The following HERC2 variants were observed in gnomAD, a reference collection of about 807,000 sequenced individuals.
The protein encoded by HERC2 is E3 ubiquitin-protein ligase HERC2.
In HERC2, 102 loss-of-function variants were observed where a neutral mutation model predicts 537.7. The ratio of observed to expected loss-of-function variants is 0.19; its 90% confidence interval spans 0.16 to 0.22. The LOEUF (loss-of-function observed/expected upper bound fraction) is 0.22. Among genes scored for constraint, HERC2 ranks in the 10% least tolerant of loss-of-function variants. The pLI is 1.00. For missense variants in HERC2, 4,236 were observed against 6,198.2 expected (o/e 0.68, Z 10.63); for synonymous variants, 2,224 against 2,466.2 (o/e 0.90, Z 2.91).
intron 4 of HERC2, among the ~76,000 whole-genome samples, chr15:28,286,353 C>T (rs923346799): frequency 6.6e-6 from 1 of 151,976 alleles, no homozygotes; most frequent in Non-Finnish European, 1.5e-5. Context: ...TACAGAGACA[C>T]AAAAATATAC....
chr15:28,190,671 C>A, intron 55 of HERC2: 1 of 458,830 alleles, frequency 2.2e-6, no homozygotes, highest in Non-Finnish European at 3.9e-6. Flanking sequence ...TGTTCAGATG[C>A]AATCAGCAAC....
intron 44 of HERC2, among the ~76,000 whole-genome samples, chr15:28,207,385 C>T (rs928227193): frequency 6.6e-6 from 1 of 152,206 alleles, no homozygotes; most frequent in Non-Finnish European, 1.5e-5. Flanking sequence ...ATCCACCCGC[C>T]TCGGCATCCC....
intron 37 of HERC2, among the ~76,000 whole-genome samples, 166 bp from the exon 38 acceptor site, chr15:28,218,837 G>A (rs1175859616): frequency 6.6e-6 from 1 of 152,082 alleles, no homozygotes; most frequent in Non-Finnish European, 1.5e-5. Flanking sequence ...ATTTATTTTT[G>A]TGTTCTTTTT....
chr15:28,179,203 A>C lies in HERC2; in HGVS notation c.8958T>G (p.Ser2986=), dbSNP rs144426894. ...CCACATTCAAAGCTGACAGTGTCTC[A>C]GAGAACGAAGGAACCTTTATCTACA... The part of the protein sequence containing the change: ...KGSKIKVPSF[S]ETLSALNVVQ... Residue 2986 remains serine (S), a synonymous_variant, in exon 58 of 93, where the codon TCT becomes TCG. Coordinates refer to ENST00000261609, the MANE Select transcript of HERC2 (RefSeq NM_004667.6). 2.4e-5 allele frequency: 39 copies of C among 1,609,728 alleles called. No individual in the cohort carries two copies. The African/African-American group carries it at 3.9e-4, about 16-fold the overall frequency.
intron 35 of HERC2, among the ~76,000 whole-genome samples, chr15:28,225,537 A>C (rs567992402): frequency 5.9e-5 from 9 of 152,042 alleles, no homozygotes; most frequent in African/African-American, 9.6e-5. Flanking sequence ...CTCCACTAAA[A>C]ATACAAAAAA....
intron 2 of HERC2, among the ~76,000 whole-genome samples, chr15:28,321,023 ACAG>A (rs2077214595): frequency 6.6e-6 from 1 of 151,938 alleles, no homozygotes; most frequent in Non-Finnish European, 1.5e-5. Flanking sequence ...AGTTAACTCA[ACAG>A]CTCAAAAACG....
intron 69 of HERC2, among the ~76,000 whole-genome samples, chr15:28,155,635 T>G (rs1892929629): frequency 6.6e-6 from 1 of 151,072 alleles, no homozygotes; most frequent in Non-Finnish European, 1.5e-5. Flanking sequence ...TAAATTTCTT[T>G]GAGTTCTTTG....
chr15:28,246,839 C>T lies in HERC2; in HGVS notation c.3294G>A (p.Thr1098=), dbSNP rs761589710. 6.8e-6 allele frequency: 11 copies of T among 1,611,618 alleles called. No individual in the cohort carries two copies. Among genetic ancestry groups the T allele is most frequent in the African/African-American group, 4.0e-5 (3 of 74,780 alleles). ...CCACAGGCAGTATATCTCCAATGTG[C>T]GTGCACAGGAGGGCTGTGTACTTCT... ...LLKKYTALLC[T]HIGDILPVAA... Residue 1098 remains threonine, a synonymous_variant, in exon 22 of 93, where the codon ACG becomes ACA. Transcript: ENST00000261609.
intron 2 of HERC2, among the ~76,000 whole-genome samples, chr15:28,316,880 G>C (rs1012406683): frequency 1.4e-4 from 21 of 148,610 alleles, no homozygotes; most frequent in African/African-American, 4.4e-4. Flanking sequence ...GGGTTCAAGC[G>C]ATTCTCCTGC....
intron 37 of HERC2, 58 bp downstream of exon 37, chr15:28,220,394 C>A (rs1900395155): frequency 6.7e-7 from 1 of 1,493,462 alleles, no homozygotes. Context: ...GTGGTGGCAG[C>A]CAGCACCTGG....
rs758884003 is a variant in HERC2, at chr15:28,116,695, G to A, written c.13579C>T (p.Pro4527Ser). Residue 4527 changes from proline (P) to serine (S), a missense_variant, in exon 88 of 93, where the codon CCC becomes TCC. Transcript: ENST00000261609. ...AAGCGGAACATGCTGCTGTGCACGG[G>A]TGCTCTGGCGGCCGGGCTGAGCAGG... ...CYLLSPAARA[P>S]VHSSMFRFLG... The A allele has an allele frequency of 6.2e-7, 1 of 1,613,430 alleles. No homozygotes were observed. The highest frequency in any genetic ancestry group is 8.5e-7 in the Non-Finnish European group (1 of 1,179,832).
chr15:28,212,680 C>T, intron 42 of HERC2, 97 bp from the exon 43 acceptor site: 6 of 1,218,214 alleles, frequency 4.9e-6, no homozygotes, highest in African/African-American at 1.5e-5. Context: ...TCCTGAAATG[C>T]CACACATACC....
chr15:28,252,133 T>C (rs2075103828), intron 20 of HERC2, among the ~76,000 whole-genome samples: 1 of 152,148 alleles, frequency 6.6e-6, no homozygotes, highest in Non-Finnish European at 1.5e-5. Context: ...TTAATAAAAA[T>C]TAAACAGATA....
rs1230418283 is a variant in HERC2, at chr15:28,202,155, G to A, written c.7575C>T (p.Asp2525=). 17 of 1,579,092 alleles carry A rather than the reference G, an allele frequency of 1.1e-5. No homozygotes were observed. The highest frequency in any genetic ancestry group is 4.5e-5 in the East Asian group (2 of 44,594). The part of the protein sequence containing the change: ...DADTVSDEYS[D]EEVVEDVDDA... ...CATCCACGTCCTCCACCACCTCCTC[G>A]TCAGAATACTCGTCGGACACCGTGT... is the stretch of plus-strand genomic sequence containing the variant. The change falls in exon 47 of 93, where the codon GAC becomes GAT. Residue 2525 remains aspartate, a synonymous_variant. Transcript: ENST00000261609.
intron 3 of HERC2, among the ~76,000 whole-genome samples, chr15:28,297,092 G>A (rs996318598): frequency 2.0e-5 from 3 of 152,246 alleles, no homozygotes; most frequent in Non-Finnish European, 4.4e-5. Flanking sequence ...TTGTGCTACT[G>A]AAACTAAATG....
chr15:28,135,311 G>A (rs750842370), intron 79 of HERC2, among the ~76,000 whole-genome samples, 167 bp downstream of exon 79: 3 of 152,018 alleles, frequency 2.0e-5, no homozygotes, highest in African/African-American at 4.8e-5. Context: ...GTAAGCCTTC[G>A]TATTGGAACA....
At chr15:28,161,455 G>A (rs1239332700) in intron 69 of HERC2, among the ~76,000 whole-genome samples, 1 of 152,202 alleles carries the variant, frequency 6.6e-6, no homozygotes. Flanking sequence ...AGGCTCCCTG[G>A]CAGGGCAGAG....
chr15:28,177,448 G>T lies in HERC2; in HGVS notation c.9225C>A (p.Asp3075Glu), dbSNP rs141457389. ...TGCTGAAGTGTCCAAGTTTTCCATCGTCACCTTCGCCCCACGAAAACACTT... is the reference window on the plus strand; with the variant it reads ...TGCTGAAGTGTCCAAGTTTTCCATCTTCACCTTCGCCCCACGAAAACACTT... ...DGKVFSWGEG[D>E]DGKLGHFSRM... The change falls in exon 60 of 93, where the codon GAC (aspartate) becomes GAA (glutamate). Residue 3075 changes from aspartate (D) to glutamate (E), a missense_variant. By Grantham distance (45) the Asp-to-Glu change is conservative. Transcript: ENST00000261609. This position sits in a 1 kb window ranked among gnomAD's most constrained non-coding sequence, Gnocchi z 5.0. The T allele has an allele frequency of 6.2e-7, 1 of 1,614,130 alleles. No homozygotes were observed. Among genetic ancestry groups the T allele is most frequent in the Non-Finnish European group, 8.5e-7 (1 of 1,180,034 alleles).
In HERC2 at chr15:28,213,921, G is replaced by C. The variant is rs201866535; in HGVS notation, c.6607C>G (p.Leu2203Val). The C allele has an allele frequency of 1.2e-6, 2 of 1,613,988 alleles. No homozygotes were observed. Among genetic ancestry groups the C allele is most frequent in the South Asian group, 2.2e-5 (2 of 91,064 alleles). ...PDSENPEVGG[L>V]MAVLAVIGGI... is the part of the protein sequence containing the mutation. ...CCAATCACAGCCAGGACTGCCATGA[G>C]GCCCCCCACTTCAGGGTTCTCGGAG... The change falls in exon 42 of 93, where the codon CTC becomes GTC. Residue 2203 changes from leucine to valine, a missense_variant. By Grantham distance (32) the Leu-to-Val change is conservative (BLOSUM62 1). Around this residue, in one of 27 missense-constraint regions of HERC2, gnomAD observed 365 missense variants for 468.8 expected, o/e 0.78. Transcript: ENST00000261609.
Sources: allele counts gnomAD v4.1 joint callset (sites outside exome capture counted in the v4.1 genomes callset), GRCh38; gene constraint gnomAD v4.1.1; regional missense constraint gnomAD v4.1.1; non-coding constraint Gnocchi (gnomAD v3.1); transcripts MANE v1.5; gene names NCBI Gene and HGNC (gene_info 2026-07-23, HGNC 2026-07-21).